The following RALGAPA2 variants were observed in gnomAD, a reference collection of about 807,000 sequenced individuals.
RALGAPA2 encodes the protein Ral GTPase activating protein catalytic subunit alpha 2.
RALGAPA2 carries 139 observed loss-of-function variants against 230.4 expected under a neutral mutation model. The ratio of observed to expected loss-of-function variants is 0.60; its 90% confidence interval spans 0.53 to 0.69. The LOEUF (loss-of-function observed/expected upper bound fraction) is 0.69. Among genes scored for constraint, RALGAPA2 ranks in the 30% least tolerant of loss-of-function variants. RALGAPA2 has a pLI of 0.00. For synonymous variants in RALGAPA2, 847 were observed against 837.8 expected, an observed-to-expected ratio of 1.01 and a Z score of -0.19; for missense variants, 2,163 against 2,276.0, an observed-to-expected ratio of 0.95 and a Z score of 1.01.
chr20:20,696,952 T>C (rs780235868), intron 1 of RALGAPA2, among the ~76,000 whole-genome samples: 1 of 152,190 alleles, frequency 6.6e-6, no homozygotes, highest in African/African-American at 2.4e-5. Context: ...GCCAGGTTGG[T>C]CTTGAACTCC....
chr20:20,570,734 C>T (rs1050030112), intron 23 of RALGAPA2, among the ~76,000 whole-genome samples: 2 of 152,186 alleles, frequency 1.3e-5, no homozygotes, highest in African/African-American at 4.8e-5. Context: ...AATCCATCTT[C>T]CAAATGCAGT....
At chr20:20,436,969 GCTAA>G (rs1011668746) in intron 37 of RALGAPA2, among the ~76,000 whole-genome samples, 40 of 152,202 alleles carry the variant, frequency 2.6e-4, no homozygotes, top group Admixed American at 1.9e-3. Flanking sequence ...AAGCTCCGGG[GCTAA>G]CTAACTGACG....
chr20:20,398,702 A>T lies in RALGAPA2; in HGVS notation c.5618-1968T>A, dbSNP rs1226077836. 6.6e-6 allele frequency among the ~76,000 whole-genome samples: 1 copy of T among 151,900 alleles called. No individual in the cohort carries two copies. The highest frequency in any genetic ancestry group is 1.5e-5 in the Non-Finnish European group (1 of 67,970). On this transcript the variant is annotated intron_variant, in intron 38 of 39. Transcript: ENST00000202677. This position sits in a 1 kb window ranked among gnomAD's most constrained non-coding sequence, Gnocchi z 4.5. Reference sequence around the variant, plus strand: ...GTGGGAAGAGGCCAGGAGGGACCTGACGTCTGGGGGCGATAGGGGAGAGAC... The same window carrying T: ...GTGGGAAGAGGCCAGGAGGGACCTGTCGTCTGGGGGCGATAGGGGAGAGAC...
intron 23 of RALGAPA2, among the ~76,000 whole-genome samples, chr20:20,549,937 T>C (rs6046924): frequency 0.04 from 6,071 of 152,346 alleles, 157 homozygotes; most frequent in South Asian, 0.061. Context: ...GCCATCTCCC[T>C]GTCCAAAGTG....
At chr20:20,586,089 T>C (rs1313444560) in intron 18 of RALGAPA2, among the ~76,000 whole-genome samples, 1 of 152,130 alleles carries the variant, frequency 6.6e-6, no homozygotes, top group Non-Finnish European at 1.5e-5. Flanking sequence ...ATTTCCTTAG[T>C]TAAAAAACAG....
intron 37 of RALGAPA2, among the ~76,000 whole-genome samples, chr20:20,460,290 A>G (rs2061271736): frequency 2.0e-5 from 3 of 152,330 alleles, no homozygotes; most frequent in Non-Finnish European, 4.4e-5. Flanking sequence ...TCTTGGAGGG[A>G]TTATTTTCCT....
intron 37 of RALGAPA2, among the ~76,000 whole-genome samples, chr20:20,419,556 G>A (rs2060234477): frequency 6.6e-6 from 1 of 152,162 alleles, no homozygotes; most frequent in Non-Finnish European, 1.5e-5. Flanking sequence ...TCTGACAGAA[G>A]GGATTCAAAA....
rs2062162670 is a variant in RALGAPA2 at position 20,494,977 on chromosome 20, T to C, written c.5367+140A>G. ...ATTCATATTTAATTCCTATAAAGCA[T>C]GCATAATTCAGATATATGTAAGACA... On this transcript the variant is annotated intron_variant, in intron 36 of 39. Coordinates refer to ENST00000202677, the MANE Select transcript of RALGAPA2 (RefSeq NM_020343.4). 1.3e-5 allele frequency: 9 copies of C among 687,622 alleles called. No homozygotes were observed. The South Asian group carries it at 3.9e-4, about 30-fold the overall frequency. 42.6% of individuals were successfully genotyped at this position (687,622 alleles called of 1,614,324 possible). A position where few individuals can be genotyped will look rare whatever the true frequency, so the allele number is the denominator to read the frequency against.
chr20:20,524,902 C>T lies in RALGAPA2; in HGVS notation c.3694-4G>A. 1 of 1,601,766 alleles carries T rather than the reference C, an allele frequency of 6.2e-7. No homozygotes were observed. Among genetic ancestry groups the T allele is most frequent in the South Asian group, 1.1e-5 (1 of 88,378 alleles). ...AAGCAACTGTGGCCACGAGGATCTG[C>T]ATAAAAGATAAATCCCCAATCAAAC... On this transcript the variant is annotated splice_polypyrimidine_tract_variant and splice_region_variant and intron_variant, in intron 28 of 39. Transcript: ENST00000202677.
intron 38 of RALGAPA2, among the ~76,000 whole-genome samples, chr20:20,403,723 G>A (rs1434750792): frequency 3.3e-5 from 5 of 152,202 alleles, no homozygotes; most frequent in African/African-American, 1.2e-4. Context: ...TGTAGCTAGG[G>A]AGCAGGGCTT....
At chr20:20,667,752 G>C (rs2068004297) in intron 3 of RALGAPA2, among the ~76,000 whole-genome samples, 2 of 152,286 alleles carry the variant, frequency 1.3e-5, no homozygotes, top group South Asian at 4.1e-4. Flanking sequence ...ATCTTGAAGG[G>C]GAAACAGATG....
chr20:20,672,436 A>G (rs2068167593), intron 3 of RALGAPA2, among the ~76,000 whole-genome samples: 1 of 152,266 alleles, frequency 6.6e-6, no homozygotes, highest in African/African-American at 2.4e-5. Context: ...ATGTCTAAAA[A>G]TGAACGAGGA....
chr20:20,598,999 T>C (rs1369879521), intron 16 of RALGAPA2, among the ~76,000 whole-genome samples: 4 of 152,216 alleles, frequency 2.6e-5, no homozygotes, highest in African/African-American at 9.7e-5. Context: ...CAGCCAACTT[T>C]CAGTCAGTCA....
intron 30 of RALGAPA2, 126 bp downstream of exon 30, chr20:20,524,280 G>A (rs1010111804): frequency 2.8e-5 from 37 of 1,309,904 alleles, no homozygotes; most frequent in South Asian, 1.4e-4. Flanking sequence ...TTAAGAAAAC[G>A]TTTAAGCCAC....
At chr20:20,445,566 A>G (rs1233056760) in intron 37 of RALGAPA2, among the ~76,000 whole-genome samples, 2 of 152,220 alleles carry the variant, frequency 1.3e-5, no homozygotes, top group Admixed American at 6.5e-5. Context: ...ATAAACCATA[A>G]CAAAAAAAGG....
intron 33 of RALGAPA2, among the ~76,000 whole-genome samples, chr20:20,510,594 T>C (rs975820004): frequency 7.2e-5 from 11 of 152,164 alleles, no homozygotes; most frequent in African/African-American, 2.7e-4. Context: ...TTCGAAACTT[T>C]GGAACATCTG....
chr20:20,617,009 A>G (rs904887094), intron 12 of RALGAPA2, among the ~76,000 whole-genome samples: 1 of 151,682 alleles, frequency 6.6e-6, no homozygotes, highest in South Asian at 2.1e-4. Flanking sequence ...GAGTCACTAC[A>G]GCAAAATAAC....
chr20:20,584,035 G>A (rs188714325), intron 19 of RALGAPA2, among the ~76,000 whole-genome samples: 2 of 152,226 alleles, frequency 1.3e-5, no homozygotes, highest in African/African-American at 4.8e-5. Context: ...ACCAATGGTA[G>A]GTCCCAAACT....
At chr20:20,403,058 C>T (rs532464513) in intron 38 of RALGAPA2, among the ~76,000 whole-genome samples, 3 of 152,228 alleles carry the variant, frequency 2.0e-5, no homozygotes, top group Admixed American at 6.5e-5. Flanking sequence ...TCAGGGAGGC[C>T]TTCTCTGACC....
Sources: allele counts gnomAD v4.1 joint callset (sites outside exome capture counted in the v4.1 genomes callset), GRCh38; gene constraint gnomAD v4.1.1; non-coding constraint Gnocchi (gnomAD v3.1); transcripts MANE v1.5; gene names NCBI Gene and HGNC (gene_info 2026-07-23, HGNC 2026-07-21).